Variants in TNFRSF1B observed in about 807,000 individuals in gnomAD.
TNFRSF1B encodes the protein TNF receptor superfamily member 1B.
TNFRSF1B carries 19 observed loss-of-function variants against 44.6 expected under a neutral mutation model. The ratio of observed to expected loss-of-function variants is 0.43; its 90% CI spans 0.30 to 0.62. The LOEUF (loss-of-function observed/expected upper bound fraction) is 0.62. TNFRSF1B is among the 20% of genes least tolerant of loss of function. The pLI, the probability that TNFRSF1B is intolerant of heterozygous loss-of-function variation, is 0.16. For missense variants in TNFRSF1B, 541 were observed against 619.9 expected, an observed-to-expected ratio of 0.87 and a Z score of 1.35; for synonymous variants, 252 against 261.1, an observed-to-expected ratio of 0.97 and a Z score of 0.34.
intron 5 of TNFRSF1B, 124 bp downstream of exon 5, chr1:12,192,648 TC>T: frequency 9.4e-7 from 1 of 1,064,038 alleles, no homozygotes; most frequent in Non-Finnish European, 1.4e-6. Context: ...TGAGGGTGGC[TC>T]CCAGGATAAA....
In TNFRSF1B at chr1:12,171,943, C is replaced by T. The variant is rs1638532118; in HGVS notation, c.78+4774C>T. 1.3e-5 allele frequency among the ~76,000 whole-genome samples: 2 copies of T among 152,132 alleles called. No homozygotes were observed. Among genetic ancestry groups the T allele is most frequent in the Non-Finnish European group, 2.9e-5 (2 of 68,022 alleles). On this transcript the variant is annotated intron_variant, in intron 1 of 9. Transcript: ENST00000376259. This position sits in a 1 kb window ranked among gnomAD's most constrained non-coding sequence, Gnocchi z 4.5. ...CAGATGAGACGGGGGTTTGAAAAGT[C>T]AGTGGTGGCAGGGTGGGGTTCTGTT...
Position 12,191,800 on chromosome 1 carries a change from C to T in TNFRSF1B, c.334C>T (p.Arg112Trp), listed in dbSNP as rs1279020529. 2 of 1,613,538 alleles carry T rather than the reference C, an allele frequency of 1.2e-6. No individual in the cohort carries two copies. The highest frequency in any genetic ancestry group is 1.3e-5 in the African/African-American group (1 of 75,036). The change falls in exon 4 of 10, where the codon CGG (arginine) becomes TGG (tryptophan). Residue 112 changes from arginine (R) to tryptophan (W), a missense_variant. By Grantham distance (101) the Arg-to-Trp change is moderately radical (BLOSUM62 -3). Coordinates refer to ENST00000376259, the MANE Select transcript of TNFRSF1B (RefSeq NM_001066.3). The stretch of plus-strand genomic sequence containing the variant: ...CCAGGTGGAAACTCAAGCCTGCACT[C>T]GGGAACAGAACCGCATCTGCACCTG... ...SDQVETQACT[R>W]EQNRICTCRP...
intron 1 of TNFRSF1B, among the ~76,000 whole-genome samples, chr1:12,181,808 ATCCCAGCCCCCACC>A (rs1202619185): frequency 2.6e-5 from 4 of 152,088 alleles, no homozygotes; most frequent in Non-Finnish European, 5.9e-5. Flanking sequence ...TCTGCCCCAC[ATCCCAGCCCCCACC>A]TCCCAGCTCG....
At chr1:12,183,455 TC>T (rs1465878776) in intron 1 of TNFRSF1B, among the ~76,000 whole-genome samples, 3 of 151,826 alleles carry the variant, frequency 2.0e-5, no homozygotes, top group Non-Finnish European at 4.4e-5. Context: ...ATTCTCTCTC[TC>T]TCTCTCTCTC....
rs919976995 is a variant in TNFRSF1B at position 12,207,805 on chromosome 1, A to C, written c.*785A>C. ...GGCACCTATAGTCCCAGCTACTCAG[A>C]AGCCTGAGGCTGGGAAATCGTTTGA... On this transcript the variant is annotated 3_prime_UTR_variant, in exon 10 of 10. Transcript: ENST00000376259. 3 of 152,158 alleles carry C rather than the reference A, an allele frequency of 2.0e-5. No individual in the cohort carries two copies. The highest frequency in any genetic ancestry group is 2.4e-5 in the African/African-American group (1 of 41,394). The allele number at this position is 152,158 out of a possible 1,614,324, so 9.4% of individuals were successfully genotyped here.
intron 9 of TNFRSF1B, among the ~76,000 whole-genome samples, chr1:12,205,981 T>G (rs1378026420): frequency 6.6e-6 from 1 of 151,902 alleles, no homozygotes; most frequent in Non-Finnish European, 1.5e-5. Context: ...GGGTGTGTGA[T>G]ATGAGAGAAA....
At chr1:12,175,274 C>T (rs1019670848) in intron 1 of TNFRSF1B, among the ~76,000 whole-genome samples, 2 of 152,184 alleles carry the variant, frequency 1.3e-5, no homozygotes, top group African/African-American at 2.4e-5. Context: ...TTGGCCAATT[C>T]CCTTCTCCTT....
intron 1 of TNFRSF1B, among the ~76,000 whole-genome samples, chr1:12,181,228 G>A (rs1162590203): frequency 6.6e-6 from 1 of 152,190 alleles, no homozygotes; most frequent in African/African-American, 2.4e-5. Flanking sequence ...AAGCCGGGCA[G>A]TTCGCTGCCC....
At chr1:12,189,192 G>T (rs1209150183) in intron 2 of TNFRSF1B, among the ~76,000 whole-genome samples, 1 of 152,190 alleles carries the variant, frequency 6.6e-6, no homozygotes, top group Non-Finnish European at 1.5e-5. Context: ...GGGGGAGGAG[G>T]AGCCTAAATT....
intron 9 of TNFRSF1B, among the ~76,000 whole-genome samples, chr1:12,205,851 C>T (rs1639491412): frequency 6.6e-6 from 1 of 151,978 alleles, no homozygotes; most frequent in Non-Finnish European, 1.5e-5. Context: ...TGGTCTCAAA[C>T]TCCTGACCTC....
intron 1 of TNFRSF1B, among the ~76,000 whole-genome samples, chr1:12,175,402 G>A (rs1638632641): frequency 6.6e-6 from 1 of 152,238 alleles, no homozygotes; most frequent in Non-Finnish European, 1.5e-5. Flanking sequence ...ACGTCACCCA[G>A]CTCAGAAGGC....
At chr1:12,192,773 T>A in intron 5 of TNFRSF1B, 90 bp from the exon 6 acceptor site, 1 of 1,167,082 alleles carries the variant, frequency 8.6e-7, no homozygotes, top group Admixed American at 2.0e-5. Context: ...GTCACTCTCC[T>A]ATCCTGCCTG....
intron 9 of TNFRSF1B, among the ~76,000 whole-genome samples, chr1:12,205,174 G>C (rs1343972790): frequency 1.3e-5 from 2 of 152,126 alleles, no homozygotes; most frequent in East Asian, 1.9e-4. Flanking sequence ...GGGAGGCCAG[G>C]GGGTGGAGGG....
rs545782577 is a variant in TNFRSF1B, at chr1:12,186,487, G to C, written c.79-2309G>C. Among the ~76,000 whole-genome samples the C allele has an allele frequency of 6.6e-6, 1 of 152,308 alleles. No individual in the cohort carries two copies. Among genetic ancestry groups the C allele is most frequent in the South Asian group, 2.1e-4 (1 of 4,824 alleles). ...CAGGATAGGTCCATGGCCACGTTGT[G>C]CTGGTTTGTTAAATATTTTTAGTAT... is the stretch of plus-strand genomic sequence containing the variant. On this transcript the variant is annotated intron_variant, in intron 1 of 9. Coordinates refer to ENST00000376259, the MANE Select transcript of TNFRSF1B (RefSeq NM_001066.3). This position sits in a 1 kb window ranked among gnomAD's most constrained non-coding sequence, Gnocchi z 4.8.
At chr1:12,190,488 C>G (rs923674536) in intron 2 of TNFRSF1B, among the ~76,000 whole-genome samples, 1 of 142,290 alleles carries the variant, frequency 7.0e-6, no homozygotes, top group African/African-American at 2.5e-5. Context: ...AAAGCAGCTA[C>G]TGAGTCAACT....
At position 12,168,609 on chromosome 1, in the gene TNFRSF1B, G is replaced by A. The variant is rs978355438; in HGVS notation, c.78+1440G>A. Reference sequence around the variant, plus strand: ...TGGGGTCATGTGAGCCCCTGGATGGGAGAGGGGTGTCAGGCACAGGGCTCA... The same window carrying A: ...TGGGGTCATGTGAGCCCCTGGATGGAAGAGGGGTGTCAGGCACAGGGCTCA... On this transcript the variant is annotated intron_variant, in intron 1 of 9. Transcript: ENST00000376259. This position sits in a 1 kb window ranked among gnomAD's most constrained non-coding sequence, Gnocchi z 4.7. 2.6e-5 allele frequency among the ~76,000 whole-genome samples: 4 copies of A among 152,126 alleles called. No individual in the cohort carries two copies. The highest frequency in any genetic ancestry group is 5.9e-5 in the Non-Finnish European group (4 of 68,006).
In TNFRSF1B at chr1:12,171,204, G is replaced by A. The variant is rs17885456; in HGVS notation, c.78+4035G>A. ...TTTTTTTTTTTTTTTAGTAGAGACC[G>A]GGTTTTGCCATGTTGGCCAGGCTGG... On this transcript the variant is annotated intron_variant, in intron 1 of 9. Coordinates refer to ENST00000376259, the MANE Select transcript of TNFRSF1B (RefSeq NM_001066.3). This position sits in a 1 kb window ranked among gnomAD's most constrained non-coding sequence, Gnocchi z 4.5. 1.7e-3 allele frequency among the ~76,000 whole-genome samples: 260 copies of A among 149,864 alleles called. No individual in the cohort carries two copies. The highest frequency in any genetic ancestry group is 6.2e-3 in the African/African-American group (251 of 40,444).
chr1:12,176,685 A>G (rs1638663438), intron 1 of TNFRSF1B, among the ~76,000 whole-genome samples: 1 of 152,214 alleles, frequency 6.6e-6, no homozygotes, highest in African/African-American at 2.4e-5. Flanking sequence ...TTTTTGAGCA[A>G]GAGAGTGACA....
intron 1 of TNFRSF1B, among the ~76,000 whole-genome samples, chr1:12,188,446 G>A (rs5746001): frequency 0.12 from 17,868 of 152,204 alleles, 1,305 homozygotes; most frequent in South Asian, 0.2. Context: ...CCTCAGCAGA[G>A]GGCAGCTTTG....
Sources: gnomAD v4.1 joint callset for allele counts (sites outside exome capture counted in the v4.1 genomes callset) on GRCh38, gnomAD v4.1.1 for gene constraint, Gnocchi (gnomAD v3.1) non-coding constraint, MANE v1.5 for transcripts, NCBI Gene and HGNC (gene_info 2026-07-23, HGNC 2026-07-21) for gene names.